Variants in PCDH15 observed in about 807,000 individuals in gnomAD.
PCDH15 encodes protocadherin-15.
In PCDH15, 129 loss-of-function variants were observed where a neutral mutation model predicts 178.5. That is an observed-to-expected ratio of 0.72 (90% CI 0.63 to 0.84). The LOEUF (loss-of-function observed/expected upper bound fraction) is 0.84. Ranked by LOEUF, PCDH15 falls within the 40% of genes least tolerant of loss-of-function variation. PCDH15 has a pLI of 0.00. For missense variants in PCDH15, 2,230 were observed against 2,099.9 expected (o/e 1.06, Z -1.21); for synonymous variants, 800 against 732.0 (o/e 1.09, Z -1.50).
At chr10:55,379,684 A>G (rs1837486239) in intron 2 of PCDH15, among the ~76,000 whole-genome samples, 1 of 151,998 alleles carries the variant, frequency 6.6e-6, no homozygotes, top group East Asian at 1.9e-4. Flanking sequence ...CTCAAATACT[A>G]TATTTACCCC....
intron 18 of PCDH15, among the ~76,000 whole-genome samples, chr10:54,033,842 A>T (rs1179462943): frequency 6.6e-6 from 1 of 151,990 alleles, no homozygotes; most frequent in Non-Finnish European, 1.5e-5. Flanking sequence ...TAGGTCCTAT[A>T]TACTAATCCA....
intron 32 of PCDH15, chr10:53,821,129 A>T (rs2076247242): frequency 1.0e-6 from 1 of 979,218 alleles, no homozygotes; most frequent in Non-Finnish European, 1.2e-6. Context: ...TTCATTATAA[A>T]GAAGGGAAGG....
intron 25 of PCDH15, among the ~76,000 whole-genome samples, chr10:53,926,711 A>G (rs2084584887): frequency 6.6e-6 from 1 of 152,208 alleles, no homozygotes; most frequent in Non-Finnish European, 1.5e-5. Flanking sequence ...ATGGTCACTC[A>G]TATTTGGCTC....
chr10:54,936,684 T>C (rs1837914989), intron 2 of PCDH15, among the ~76,000 whole-genome samples: 1 of 151,516 alleles, frequency 6.6e-6, no homozygotes, highest in African/African-American at 2.4e-5. Context: ...TTCATAGGAA[T>C]AGTGTCTATT....
At chr10:55,074,927 T>C (rs533421650) in intron 2 of PCDH15, among the ~76,000 whole-genome samples, 17 of 152,324 alleles carry the variant, frequency 1.1e-4, no homozygotes, top group Non-Finnish European at 1.9e-4. Flanking sequence ...TTCAGTTTCC[T>C]ATGGATGGCT....
At chr10:54,532,311 A>G (rs924709219) in intron 2 of PCDH15, among the ~76,000 whole-genome samples, 1 of 152,162 alleles carries the variant, frequency 6.6e-6, no homozygotes, top group African/African-American at 2.4e-5. Flanking sequence ...ATTTTATATA[A>G]CCTACAAAGT....
intron 7 of PCDH15, among the ~76,000 whole-genome samples, chr10:54,321,295 C>T (rs1005280825): frequency 1.3e-5 from 2 of 150,188 alleles, no homozygotes; most frequent in Non-Finnish European, 3.0e-5. Flanking sequence ...TTCTGAGTAG[C>T]TAGGACTATA....
intron 2 of PCDH15, among the ~76,000 whole-genome samples, chr10:55,065,347 C>T (rs1228309099): frequency 6.6e-6 from 1 of 151,948 alleles, no homozygotes; most frequent in Non-Finnish European, 1.5e-5. Flanking sequence ...TAATGCTCAC[C>T]CTTTCCCCCA....
intron 2 of PCDH15, among the ~76,000 whole-genome samples, chr10:55,365,776 G>C (rs1185497531): frequency 2.6e-5 from 4 of 152,076 alleles, no homozygotes; most frequent in African/African-American, 9.7e-5. Flanking sequence ...ATGTGGAACT[G>C]TAAGCCCAAC....
intron 2 of PCDH15, among the ~76,000 whole-genome samples, chr10:55,079,212 C>G (rs1319137723): frequency 6.6e-6 from 1 of 152,060 alleles, no homozygotes; most frequent in Non-Finnish European, 1.5e-5. Context: ...ATCTATGCAC[C>G]TGTTGTAATG....
At chr10:54,383,985 ATTTTTTTTTTTTT>A (rs59756150) in intron 3 of PCDH15, among the ~76,000 whole-genome samples, 43 of 129,116 alleles carry the variant, frequency 3.3e-4, no homozygotes, top group Admixed American at 4.7e-4. Flanking sequence ...CAAACAGTTA[ATTTTTTTTTTTTT>A]TTTTTTTTTT....
At chr10:54,154,669 A>AT (rs945901223) in intron 13 of PCDH15, among the ~76,000 whole-genome samples, 57 of 152,328 alleles carry the variant, frequency 3.7e-4, no homozygotes, top group African/African-American at 1.3e-3. Context: ...TGCATATTCT[A>AT]TTTTTTATTA....
intron 1 of PCDH15, among the ~76,000 whole-genome samples, chr10:55,238,071 T>C (rs1328177053): frequency 1.3e-5 from 2 of 152,028 alleles, no homozygotes; most frequent in African/African-American, 4.8e-5. Flanking sequence ...ATATACGTGA[T>C]TTTTGACCTG....
chr10:54,065,996 T>C (rs1418963866), intron 18 of PCDH15, among the ~76,000 whole-genome samples: 1 of 152,182 alleles, frequency 6.6e-6, no homozygotes, highest in Non-Finnish European at 1.5e-5. Context: ...AGTAGGACCC[T>C]GAACTCTGGG....
chr10:55,431,533 T>A (rs181672286), intron 2 of PCDH15, among the ~76,000 whole-genome samples: 23 of 152,282 alleles, frequency 1.5e-4, no homozygotes, highest in Admixed American at 1.4e-3. Context: ...ATTGGATATA[T>A]GATATCACTG....
At chr10:54,863,410 C>T (rs1468396767) in intron 3 of PCDH15, among the ~76,000 whole-genome samples, 5 of 152,074 alleles carry the variant, frequency 3.3e-5, no homozygotes, top group African/African-American at 1.2e-4. Context: ...GGCATGGTGG[C>T]GGGTCCCTGT....
At chr10:54,803,412 A>G (rs1348787195), upstream of PCDH15, among the ~76,000 whole-genome samples, 1 of 152,084 alleles carries the variant, frequency 6.6e-6, no homozygotes, top group Non-Finnish European at 1.5e-5. Flanking sequence ...ACCACCCTTA[A>G]TCAAGGTCTT....
chr10:54,443,200 T>A (rs778703490), intron 3 of PCDH15, among the ~76,000 whole-genome samples: 1 of 151,636 alleles, frequency 6.6e-6, no homozygotes, highest in Non-Finnish European at 1.5e-5. Flanking sequence ...TTTGCCTATG[T>A]ACACCATCTA....
At chr10:54,345,656 C>T (rs1454118300) in intron 6 of PCDH15, among the ~76,000 whole-genome samples, 2 of 151,208 alleles carry the variant, frequency 1.3e-5, no homozygotes, top group East Asian at 1.9e-4. Context: ...CCGAGGCAGG[C>T]GGATCACGAG....
Sources: allele counts gnomAD v4.1 joint callset (sites outside exome capture counted in the v4.1 genomes callset), GRCh38; gene constraint gnomAD v4.1.1; transcripts MANE v1.5; gene names NCBI Gene and HGNC (gene_info 2026-07-23, HGNC 2026-07-21).